PHF12: variants seen among roughly 807,000 people sequenced by gnomAD.
PHF12 encodes PHD finger protein 12.
PHF12 carries 6 observed loss-of-function variants against 99.8 expected under a neutral mutation model. The observed-to-expected ratio is 0.06, with a 90% confidence interval of 0.03 to 0.12. The LOEUF is 0.12. Among genes scored for constraint, PHF12 ranks in the 10% least tolerant of loss-of-function variants. The pLI is 1.00. For missense variants in PHF12, 954 were observed against 1,300.1 expected, an observed-to-expected ratio of 0.73 and a Z score of 4.09; for synonymous variants, 480 against 514.9, an observed-to-expected ratio of 0.93 and a Z score of 0.92.
Position 28,913,032 on chromosome 17 carries a change from C to T in PHF12, c.1539G>A (p.Gln513=), listed in dbSNP as rs1246368855. Residue 513 remains glutamine (Q), a synonymous_variant, in exon 9 of 15, where the codon CAG becomes CAA. Coordinates refer to ENST00000332830, the MANE Select transcript of PHF12 (RefSeq NM_001033561.2). ...QNSLSCSPPH[Q]SPALEDIGCS... is the part of the protein sequence containing the mutation. ...AGCCGATGTCCTCTAGGGCTGGGGA[C>T]TGGTGGGGTGGAGAGCAGCTCAGGG... is the stretch of plus-strand genomic sequence containing the variant. 1.2e-6 allele frequency: 2 copies of T among 1,613,994 alleles called. No homozygotes were observed. The highest frequency in any genetic ancestry group is 2.7e-5 in the African/African-American group (2 of 74,892).
At chr17:28,948,454 T>C (rs1376775400) in intron 2 of PHF12, among the ~76,000 whole-genome samples, 1 of 152,208 alleles carries the variant, frequency 6.6e-6, no homozygotes, top group Non-Finnish European at 1.5e-5. Context: ...CCTTAGTCAC[T>C]TCATAATAAA....
rs904392663 is a variant in PHF12 at position 28,924,098 on chromosome 17, G to C, written c.526C>G (p.Pro176Ala). Reference protein sequence around the residue: ...TPTSSASTETPTSEQNDVDED... With the variant: ...TPTSSASTETATSEQNDVDED... ...TCGACATCATTCTGCTCAGAGGTGG[G>C]AGTCTCTGTGCTGGCGCTGGATGTG... The change falls in exon 4 of 15, where the codon CCC (proline) becomes GCC (alanine). Residue 176 changes from proline (P) to alanine (A), a missense_variant. Physicochemically the swap from Pro to Ala is conservative, Grantham distance 27. Around this residue, in one of 8 missense-constraint regions of PHF12, gnomAD observed 109 missense variants for 145.4 expected, o/e 0.75. Coordinates refer to ENST00000332830, the MANE Select transcript of PHF12 (RefSeq NM_001033561.2). 5.0e-6 allele frequency: 8 copies of C among 1,614,102 alleles called. No homozygotes were observed. Among genetic ancestry groups the C allele is most frequent in the Non-Finnish European group, 5.9e-6 (7 of 1,180,054 alleles).
At chr17:28,923,288 G>A (rs1369182288) in intron 4 of PHF12, among the ~76,000 whole-genome samples, 1 of 152,026 alleles carries the variant, frequency 6.6e-6, no homozygotes, top group Non-Finnish European at 1.5e-5. Context: ...ACGGGTGGGA[G>A]GGAAATTTTC....
chr17:28,941,039 CTTTTTTTTT>C (rs34310397), intron 2 of PHF12, among the ~76,000 whole-genome samples: 17 of 134,320 alleles, frequency 1.3e-4, no homozygotes, highest in Admixed American at 3.7e-4. Context: ...GGAAAACAGA[CTTTTTTTTT>C]TTTTTTTTTC....
At chr17:28,919,066 C>A in intron 6 of PHF12, 77 bp downstream of exon 6, 1 of 1,504,818 alleles carries the variant, frequency 6.6e-7, no homozygotes, top group Non-Finnish European at 9.0e-7. Context: ...ACCAAGCTGA[C>A]CTTAATATGC....
intron 2 of PHF12, among the ~76,000 whole-genome samples, chr17:28,934,802 T>C (rs1256887916): frequency 6.6e-6 from 1 of 152,168 alleles, no homozygotes; most frequent in Non-Finnish European, 1.5e-5. Flanking sequence ...GGTTTCACTA[T>C]CTTGGTCAGG....
chr17:28,950,040 C>A lies in PHF12; in HGVS notation c.248+25G>T. 1 of 1,568,008 alleles carries A rather than the reference C, an allele frequency of 6.4e-7. No individual in the cohort carries two copies. Among genetic ancestry groups the A allele is most frequent in the Non-Finnish European group, 8.7e-7 (1 of 1,153,512 alleles). Reference sequence around the variant, plus strand: ...GCGCAGAGAAGGGTCCGCCAAGAAGCTCCAAAAGGGTCCCCAGACCTTACC... The same window carrying A: ...GCGCAGAGAAGGGTCCGCCAAGAAGATCCAAAAGGGTCCCCAGACCTTACC... On this transcript the variant is annotated intron_variant, in intron 2 of 14. Transcript: ENST00000332830. The surrounding 1 kb of genome is among the most constrained non-coding windows in gnomAD (Gnocchi z 5.7).
chr17:28,942,919 C>T (rs999739364), intron 2 of PHF12, among the ~76,000 whole-genome samples: 2 of 151,838 alleles, frequency 1.3e-5, no homozygotes, highest in African/African-American at 2.4e-5. Flanking sequence ...ATCATATATG[C>T]GACAAGGAAC....
intron 6 of PHF12, 107 bp from the exon 7 acceptor site, chr17:28,917,556 G>C: frequency 7.9e-7 from 1 of 1,269,956 alleles, no homozygotes; most frequent in Non-Finnish European, 1.1e-6. Flanking sequence ...AGCCACATAG[G>C]TTCCCTCAAT....
At chr17:28,931,649 T>G (rs2040409899) in intron 2 of PHF12, among the ~76,000 whole-genome samples, 3 of 151,668 alleles carry the variant, frequency 2.0e-5, no homozygotes, top group African/African-American at 7.3e-5. Context: ...TGGCGTGATC[T>G]CGGCTCACTG....
Position 28,950,513 on chromosome 17 carries a change from T to G in PHF12, c.67-267A>C, listed in dbSNP as rs903823857. The G allele has an allele frequency of 3.6e-6, 2 of 551,670 alleles. No homozygotes were observed. The highest frequency in any genetic ancestry group is 6.4e-6 in the Non-Finnish European group (2 of 310,720). 34.2% of individuals were successfully genotyped at this position (551,670 alleles called of 1,614,324 possible). On this transcript the variant is annotated intron_variant, in intron 1 of 14. Coordinates refer to ENST00000332830, the MANE Select transcript of PHF12 (RefSeq NM_001033561.2). The surrounding 1 kb of genome is among the most constrained non-coding windows in gnomAD (Gnocchi z 5.7). ...GGGAAGAGGGTGCGCGGTTCCCTTC[T>G]TGCCACTTCCTTGTATGGACAGTGG...
chr17:28,933,934 C>T (rs1293679979), intron 2 of PHF12, among the ~76,000 whole-genome samples: 1 of 152,090 alleles, frequency 6.6e-6, no homozygotes, highest in African/African-American at 2.4e-5. Flanking sequence ...GTAGTCCCAG[C>T]TACTTGGGAG....
intron 2 of PHF12, among the ~76,000 whole-genome samples, chr17:28,934,750 G>A (rs1016726692): frequency 7.3e-5 from 11 of 151,556 alleles, no homozygotes; most frequent in East Asian, 1.9e-4. Context: ...ACAGGCACCC[G>A]CCACCACGCC....
chr17:28,922,688 C>T (rs62068964), intron 4 of PHF12, among the ~76,000 whole-genome samples: 3,436 of 152,154 alleles, frequency 0.023, 64 homozygotes, highest in South Asian at 0.038. Flanking sequence ...AGATTTGGAA[C>T]CTAAATGTCC....
At chr17:28,921,660 AAG>A (rs757330572) in intron 5 of PHF12, 26 bp downstream of exon 5, 3 of 1,610,736 alleles carry the variant, frequency 1.9e-6, no homozygotes, top group Admixed American at 3.4e-5. Context: ...AATAATGAGA[AAG>A]AGCCCCTTAG....
chr17:28,918,607 C>T (rs1329661995), intron 6 of PHF12, among the ~76,000 whole-genome samples: 4 of 152,236 alleles, frequency 2.6e-5, no homozygotes, highest in Non-Finnish European at 4.4e-5. Context: ...CTCTCCCATT[C>T]AATCTTGTGA....
Position 28,910,709 on chromosome 17 carries a change from C to CG in PHF12, c.2216-341_2216-340insC. The CG allele has an allele frequency of 3.0e-5, 12 of 403,674 alleles. 1 individual carries two copies. In the South Asian group the frequency reaches 3.5e-4, roughly 12 times the overall value. 25.0% of individuals were successfully genotyped at this position (403,674 alleles called of 1,614,324 possible). On this transcript the variant is annotated intron_variant, in intron 10 of 14. Transcript: ENST00000332830. ...GATATTGAGACTTGAACTTTCTACCCACCTTGTGTTCACAGAGATCAAGAT... is the reference window on the plus strand; with the variant it reads ...GATATTGAGACTTGAACTTTCTACCCGACCTTGTGTTCACAGAGATCAAGAT...
At chr17:28,908,451 G>A (rs1462814818) in intron 12 of PHF12, 1 of 242,568 alleles carries the variant, frequency 4.1e-6, no homozygotes, top group African/African-American at 2.2e-5. Flanking sequence ...CTCCCAAGTA[G>A]CTGGGACTAT....
intron 7 of PHF12, among the ~76,000 whole-genome samples, chr17:28,915,696 A>G (rs2040049637): frequency 6.6e-6 from 1 of 152,224 alleles, no homozygotes; most frequent in African/African-American, 2.4e-5. Context: ...ACGAAGATAC[A>G]AAGTTCTCAG....
Sources: allele counts gnomAD v4.1 joint callset (sites outside exome capture counted in the v4.1 genomes callset), GRCh38; gene constraint gnomAD v4.1.1; regional missense constraint gnomAD v4.1.1; non-coding constraint Gnocchi (gnomAD v3.1); transcripts MANE v1.5; gene names NCBI Gene and HGNC (gene_info 2026-07-23, HGNC 2026-07-21).